Variants in ARMC9 observed in about 807,000 individuals in gnomAD.
ARMC9 encodes the protein lisH domain-containing protein ARMC9.
ARMC9 carries 94 observed loss-of-function variants against 107.0 expected under a neutral mutation model. That is an observed-to-expected ratio of 0.88 (90% CI 0.74 to 1.04). The LOEUF is 1.04. Ranked by LOEUF, ARMC9 falls within the 50% of genes least tolerant of loss-of-function variation. The pLI, the probability that ARMC9 is intolerant of heterozygous loss-of-function variation, is 0.00. For synonymous variants in ARMC9, 380 were observed against 396.9 expected (o/e 0.96, Z 0.51); for missense variants, 942 against 1,030.1 (o/e 0.91, Z 1.17).
In ARMC9 at chr2:231,371,715, G is replaced by A; in HGVS notation, c.*180G>A. On this transcript the variant is annotated 3_prime_UTR_variant, in exon 25 of 25. Transcript: ENST00000611582. ...AGGCCATCGCAGCCCCGCCAGCCGG[G>A]TCACTTTCTCCCAGGGCAGAGCCAC... The A allele has an allele frequency of 1.7e-6, 1 of 572,354 alleles. No individual in the cohort carries two copies. The highest frequency in any genetic ancestry group is 1.9e-5 in the African/African-American group (1 of 51,804). The allele number at this position is 572,354 out of a possible 1,614,324, so 35.5% of individuals were successfully genotyped here.
intron 10 of ARMC9, among the ~76,000 whole-genome samples, chr2:231,257,351 G>C (rs533110713): frequency 6.6e-6 from 1 of 152,290 alleles, no homozygotes; most frequent in South Asian, 2.1e-4. Context: ...TCCCCCTTAC[G>C]AGTGTCTGAT....
At chr2:231,320,278 A>T (rs917131194) in intron 19 of ARMC9, among the ~76,000 whole-genome samples, 3 of 152,096 alleles carry the variant, frequency 2.0e-5, no homozygotes, top group Non-Finnish European at 1.5e-5. Flanking sequence ...TGAATTGCTG[A>T]TGCAGGGGGA....
intron 23 of ARMC9, 148 bp downstream of exon 23, chr2:231,361,031 T>C (rs1575183686): frequency 7.6e-7 from 1 of 1,314,304 alleles, no homozygotes. Flanking sequence ...GTGTCAAGAT[T>C]CCCAGCGGAG....
At position 231,226,773 on chromosome 2, in the gene ARMC9, G is replaced by A; in HGVS notation, c.598-1G>A. 6.2e-7 allele frequency: 1 copy of A among 1,613,684 alleles called. No homozygotes were observed. The highest frequency in any genetic ancestry group is 8.5e-7 in the Non-Finnish European group (1 of 1,179,696). Reference sequence around the variant, plus strand: ...TTTCCTGAACTTCTTTTTCATCCCAGAAGGAGAATGGACAAAGTAACAAAG... The same window carrying A: ...TTTCCTGAACTTCTTTTTCATCCCAAAAGGAGAATGGACAAAGTAACAAAG... On this transcript the variant is annotated splice_acceptor_variant, in intron 6 of 24. Transcript: ENST00000611582. LOFTEE classifies it high-confidence loss of function.
At chr2:231,214,788 T>G in intron 3 of ARMC9, 43 bp from the exon 4 acceptor site, 1 of 1,594,432 alleles carries the variant, frequency 6.3e-7, no homozygotes, top group Non-Finnish European at 8.6e-7. Context: ...TTTTGGGTGT[T>G]GAAATTTACA....
intron 18 of ARMC9, chr2:231,295,910 T>A: frequency 3.8e-6 from 1 of 264,362 alleles, no homozygotes; most frequent in Non-Finnish European, 7.1e-6. Context: ...AATAAATATT[T>A]ACTTACTTTT....
chr2:231,200,018 T>C (rs1473623372), intron 1 of ARMC9, among the ~76,000 whole-genome samples: 2 of 152,134 alleles, frequency 1.3e-5, no homozygotes, highest in Non-Finnish European at 2.9e-5. Context: ...TTTCTAAGAA[T>C]GTTGAGTAAT....
intron 17 of ARMC9, among the ~76,000 whole-genome samples, chr2:231,288,203 T>G (rs2040739224): frequency 6.6e-6 from 1 of 152,212 alleles, no homozygotes; most frequent in Non-Finnish European, 1.5e-5. Flanking sequence ...AAATGTAGTT[T>G]ATAAGATTTT....
chr2:231,364,689 T>C lies in ARMC9; in HGVS notation c.2261+3806T>C, dbSNP rs188314145. On this transcript the variant is annotated intron_variant, in intron 23 of 24. Coordinates refer to ENST00000611582, the MANE Select transcript of ARMC9 (RefSeq NM_001352754.2). ...GGTGCATGCCTGTAATCCCAGCTAC[T>C]CGGGAAGCTGAGGCAGGAGAATCAT... 9.4e-4 allele frequency among the ~76,000 whole-genome samples: 142 copies of C among 151,772 alleles called. 2 individuals are homozygous for C. Among genetic ancestry groups the C allele is most frequent in the African/African-American group, 3.4e-3 (140 of 41,318 alleles).
intron 9 of ARMC9, chr2:231,256,351 G>C: frequency 6.8e-7 from 1 of 1,477,342 alleles, no homozygotes; most frequent in Non-Finnish European, 9.2e-7. Context: ...CGACCACTTG[G>C]CCGATGGGAA....
At chr2:231,238,726 A>G (rs1199724218) in intron 8 of ARMC9, among the ~76,000 whole-genome samples, 1 of 152,240 alleles carries the variant, frequency 6.6e-6, no homozygotes, top group Non-Finnish European at 1.5e-5. Context: ...ACTCAGGATA[A>G]TATAGGAGGT....
chr2:231,345,298 G>A (rs1019973828), intron 21 of ARMC9: 52 of 910,476 alleles, frequency 5.7e-5, no homozygotes, highest in Admixed American at 1.5e-4. Context: ...AGAAGTGGTT[G>A]GATTACAGGA....
intron 19 of ARMC9, among the ~76,000 whole-genome samples, chr2:231,321,581 G>A (rs974880214): frequency 6.6e-6 from 1 of 152,152 alleles, no homozygotes; most frequent in African/African-American, 2.4e-5. Flanking sequence ...AGTGTGTCCA[G>A]TCCTGGAGTG....
intron 23 of ARMC9, among the ~76,000 whole-genome samples, chr2:231,367,316 C>T (rs2045858530): frequency 6.6e-6 from 1 of 152,172 alleles, no homozygotes; most frequent in Non-Finnish European, 1.5e-5. Context: ...CCTTGGGCTT[C>T]TTGTTGACTC....
intron 20 of ARMC9, among the ~76,000 whole-genome samples, chr2:231,341,745 T>C (rs1228065560): frequency 1.3e-5 from 2 of 151,994 alleles, no homozygotes; most frequent in African/African-American, 4.9e-5. Context: ...TCACAAATAC[T>C]CAAAACCAAT....
chr2:231,325,248 A>G (rs1031206772), intron 19 of ARMC9, among the ~76,000 whole-genome samples: 6 of 152,184 alleles, frequency 3.9e-5, no homozygotes, highest in African/African-American at 1.4e-4. Context: ...AACAATAAAT[A>G]AAATAAAATG....
At chr2:231,269,843 G>T (rs554240164) in intron 12 of ARMC9, among the ~76,000 whole-genome samples, 3 of 151,694 alleles carry the variant, frequency 2.0e-5, no homozygotes, top group Non-Finnish European at 4.4e-5. Context: ...CTCCCTGCAC[G>T]GTCTCATTTA....
At chr2:231,252,307 T>C (rs1467587649) in intron 9 of ARMC9, among the ~76,000 whole-genome samples, 2 of 152,212 alleles carry the variant, frequency 1.3e-5, no homozygotes, top group African/African-American at 4.8e-5. Context: ...TGGAATGCAA[T>C]GGCACGATCT....
Position 231,356,907 on chromosome 2 carries a change from C to T in ARMC9, c.2131+973C>T, listed in dbSNP as rs2045365448. ...TGAATGCCATTGAGTTAAAACATTT[C>T]AAGTTCTTAGGCCTGGACTTCCTGA... On this transcript the variant is annotated intron_variant, in intron 22 of 24. Transcript: ENST00000611582. Among the ~76,000 whole-genome samples the T allele has an allele frequency of 2.0e-5, 3 of 152,106 alleles. 1 individual carries two copies. Among genetic ancestry groups the T allele is most frequent in the South Asian group, 2.1e-4 (1 of 4,818 alleles).
Sources: gnomAD v4.1 joint callset for allele counts (sites outside exome capture counted in the v4.1 genomes callset) on GRCh38, gnomAD v4.1.1 for gene constraint, MANE v1.5 for transcripts, NCBI Gene and HGNC (gene_info 2026-07-23, HGNC 2026-07-21) for gene names.